The following MBNL1 variants were observed in gnomAD, a reference collection of about 807,000 sequenced individuals.
MBNL1 encodes muscleblind like splicing regulator 1, also known as muscleblind-like protein 1.
A neutral mutation model predicts 42.2 loss-of-function variants in MBNL1; 8 were observed. That is an observed-to-expected ratio of 0.19 (90% CI 0.11 to 0.34). MBNL1 has a LOEUF of 0.34. Ranked by LOEUF, MBNL1 falls within the 10% of genes least tolerant of loss-of-function variation. The probability of loss-of-function intolerance (pLI) is 1.00; values close to 1 mark genes in which losing one functional copy is unlikely to be tolerated. For missense variants in MBNL1, 309 were observed against 495.3 expected, an observed-to-expected ratio of 0.62 and a Z score of 3.57; for synonymous variants, 169 against 173.9, an observed-to-expected ratio of 0.97 and a Z score of 0.22.
intron 2 of MBNL1, among the ~76,000 whole-genome samples, chr3:152,347,340 G>A (rs1000230541): frequency 8.7e-4 from 132 of 151,950 alleles, no homozygotes; most frequent in African/African-American, 3.1e-3. Flanking sequence ...TATTTTAAAA[G>A]CATTAATTGA....
At chr3:152,411,049 A>G (rs2098552385) in intron 2 of MBNL1, among the ~76,000 whole-genome samples, 1 of 152,256 alleles carries the variant, frequency 6.6e-6, no homozygotes, top group African/African-American at 2.4e-5. Flanking sequence ...ACTAATCTTC[A>G]TACATCACCA....
At chr3:152,323,187 T>C (rs969483152) in intron 2 of MBNL1, among the ~76,000 whole-genome samples, 2 of 152,114 alleles carry the variant, frequency 1.3e-5, no homozygotes, top group African/African-American at 4.8e-5. Flanking sequence ...TATCCAAATG[T>C]ACTTACTCAT....
chr3:152,393,755 T>C (rs1027223423), intron 2 of MBNL1, among the ~76,000 whole-genome samples: 25 of 152,212 alleles, frequency 1.6e-4, no homozygotes, highest in Non-Finnish European at 2.4e-4. Context: ...TGGATAAATA[T>C]GAGTATTAAC....
At chr3:152,360,453 C>G (rs192214200) in intron 2 of MBNL1, among the ~76,000 whole-genome samples, 1 of 152,186 alleles carries the variant, frequency 6.6e-6, no homozygotes, top group African/African-American at 2.4e-5. Flanking sequence ...CCATTTAGGT[C>G]ACTTACTCAT....
chr3:152,457,395 A>AG, intron 8 of MBNL1, among the ~76,000 whole-genome samples: 1 of 152,230 alleles, frequency 6.6e-6, no homozygotes, highest in East Asian at 1.9e-4. Context: ...CCCCTTGGGA[A>AG]GGGAAGACCA....
chr3:152,306,059 C>G (rs1467603100), intron 2 of MBNL1, among the ~76,000 whole-genome samples: 1 of 152,222 alleles, frequency 6.6e-6, no homozygotes, highest in Non-Finnish European at 1.5e-5. Context: ...TGTTTGTCCT[C>G]TGGATTCCTG....
At chr3:152,375,923 T>C (rs1296652136) in intron 2 of MBNL1, among the ~76,000 whole-genome samples, 3 of 152,220 alleles carry the variant, frequency 2.0e-5, no homozygotes, top group Non-Finnish European at 4.4e-5. Context: ...GAATAAGATA[T>C]ATCCTTAAAT....
intron 2 of MBNL1, among the ~76,000 whole-genome samples, chr3:152,320,805 G>A (rs899991474): frequency 4.0e-5 from 6 of 148,878 alleles, no homozygotes; most frequent in African/African-American, 1.5e-4. Context: ...AATTATTATT[G>A]TTTTTATTAT....
chr3:152,349,979 T>G (rs953046761), intron 2 of MBNL1, among the ~76,000 whole-genome samples: 5 of 152,088 alleles, frequency 3.3e-5, no homozygotes, highest in African/African-American at 1.2e-4. Flanking sequence ...GAGGGTTGAA[T>G]TTAAGGAAAA....
At chr3:152,399,058 T>C (rs1383278574) in intron 2 of MBNL1, among the ~76,000 whole-genome samples, 1 of 152,194 alleles carries the variant, frequency 6.6e-6, no homozygotes, top group African/African-American at 2.4e-5. Flanking sequence ...CCCTATAACC[T>C]TATATTCTAT....
intron 2 of MBNL1, among the ~76,000 whole-genome samples, chr3:152,351,400 T>A (rs2094964480): frequency 1.3e-5 from 2 of 152,214 alleles, no homozygotes; most frequent in Non-Finnish European, 2.9e-5. Flanking sequence ...AAAATAACTC[T>A]AAGCAAAAGT....
intron 2 of MBNL1, among the ~76,000 whole-genome samples, chr3:152,309,748 GATA>G (rs1019839947): frequency 5.9e-5 from 9 of 152,048 alleles, no homozygotes; most frequent in African/African-American, 2.2e-4. Flanking sequence ...GCATTCAGAC[GATA>G]ATTTGCTTTC....
chr3:152,275,888 T>C (rs1269991138), intron 1 of MBNL1, among the ~76,000 whole-genome samples: 6 of 150,200 alleles, frequency 4.0e-5, no homozygotes, highest in African/African-American at 1.2e-4. Flanking sequence ...CTAAGTTTTT[T>C]TGTTTATTTC....
At chr3:152,296,732 G>A (rs1201369124) in intron 1 of MBNL1, among the ~76,000 whole-genome samples, 1 of 151,540 alleles carries the variant, frequency 6.6e-6, no homozygotes, top group Non-Finnish European at 1.5e-5. Flanking sequence ...GTGTTCATGT[G>A]TTGTATTCAT....
At chr3:152,370,177 C>T (rs1366218483) in intron 2 of MBNL1, among the ~76,000 whole-genome samples, 2 of 152,102 alleles carry the variant, frequency 1.3e-5, no homozygotes, top group Admixed American at 6.6e-5. Flanking sequence ...ACTACTTTAG[C>T]TGTGTCCTAG....
intron 2 of MBNL1, among the ~76,000 whole-genome samples, chr3:152,244,600 A>G (rs1353439152): frequency 6.6e-6 from 1 of 152,160 alleles, no homozygotes; most frequent in African/African-American, 2.4e-5. Context: ...ATACATTTAC[A>G]AAGCTTCAGC....
At chr3:152,306,266 C>T (rs1324744948) in intron 2 of MBNL1, among the ~76,000 whole-genome samples, 2 of 152,190 alleles carry the variant, frequency 1.3e-5, no homozygotes, top group African/African-American at 4.8e-5. Context: ...CCTCCCCTAC[C>T]CTCCCCAGCA....
At chr3:152,405,228 G>C (rs2098397819) in intron 2 of MBNL1, among the ~76,000 whole-genome samples, 1 of 152,148 alleles carries the variant, frequency 6.6e-6, no homozygotes, top group South Asian at 2.1e-4. Flanking sequence ...GATCAAGTGG[G>C]ATACACTTGG....
rs3211340 is a variant in MBNL1 at position 152,465,587 on chromosome 3, T to A, written c.*3221T>A. On this transcript the variant is annotated 3_prime_UTR_variant, in exon 10 of 10. Transcript: ENST00000324210. ...CAGCAACCCTACCACTTTCATCTGC[T>A]GAAAGGACAAATGTGCTTGGTTTTA... 1 of 152,642 alleles carries A rather than the reference T, an allele frequency of 6.6e-6. No individual in the cohort carries two copies. Among genetic ancestry groups the A allele is most frequent in the Non-Finnish European group, 1.5e-5 (1 of 68,040 alleles). 9.5% of individuals were successfully genotyped at this position (152,642 alleles called of 1,614,324 possible). A position where few individuals can be genotyped will look rare whatever the true frequency, so the allele number is the denominator to read the frequency against.
Sources: gnomAD v4.1 joint callset for allele counts (sites outside exome capture counted in the v4.1 genomes callset) on GRCh38, gnomAD v4.1.1 for gene constraint, MANE v1.5 for transcripts, NCBI Gene and HGNC (gene_info 2026-07-23, HGNC 2026-07-21) for gene names.